The following MDH1 variants were observed in gnomAD, a reference collection of about 807,000 sequenced individuals.
MDH1 encodes malate dehydrogenase, cytoplasmic.
Under a neutral mutation model 38.7 loss-of-function variants are expected in MDH1, and 15 were observed. That is an observed-to-expected ratio of 0.39 (90% CI 0.26 to 0.60). MDH1 has a LOEUF of 0.60. MDH1 is among the 20% of genes least tolerant of loss of function. MDH1 has a pLI of 0.56. For synonymous variants in MDH1, 144 were observed against 143.6 expected (o/e 1.00, Z -0.02); for missense variants, 368 against 405.2 (o/e 0.91, Z 0.79).
chr2:63,598,501 A>G (rs996970358), intron 4 of MDH1, among the ~76,000 whole-genome samples: 4 of 152,214 alleles, frequency 2.6e-5, no homozygotes, highest in Admixed American at 6.5e-5. Context: ...CTTGCCGGTT[A>G]AAGGTTTAAC....
In MDH1 at chr2:63,594,087, T is replaced by C. The variant is rs571429819; in HGVS notation, c.4-401T>C. 1.1e-3 allele frequency among the ~76,000 whole-genome samples: 170 copies of C among 152,336 alleles called. No homozygotes were observed. The Middle Eastern group carries it at 0.017, about 15-fold the overall frequency. ...TGTAAATGGAAAGTTTTAGCCTCTTTCACTCTTCTTCTTGGTATGAAGATT... is the reference window on the plus strand; with the variant it reads ...TGTAAATGGAAAGTTTTAGCCTCTTCCACTCTTCTTCTTGGTATGAAGATT... On this transcript the variant is annotated intron_variant, in intron 1 of 8. Transcript: ENST00000233114.
intron 5 of MDH1, among the ~76,000 whole-genome samples, chr2:63,602,347 G>GTTTTTTTTTTTTT (rs144884000): frequency 6.7e-5 from 7 of 104,004 alleles, no homozygotes; most frequent in Admixed American, 1.1e-4. Context: ...GTTGGTTGGG[G>GTTTTTTTTTTTTT]TTTTTTTTTT....
At chr2:63,606,698 TTGAG>T (rs1395659155) in intron 8 of MDH1, among the ~76,000 whole-genome samples, 160 bp from the exon 9 acceptor site, 1 of 152,078 alleles carries the variant, frequency 6.6e-6, no homozygotes, top group African/African-American at 2.4e-5. Flanking sequence ...AATTCAAGTG[TTGAG>T]TTTTTATTAG....
At chr2:63,600,975 G>A (rs1032411244) in intron 5 of MDH1, among the ~76,000 whole-genome samples, 4 of 152,222 alleles carry the variant, frequency 2.6e-5, no homozygotes, top group Non-Finnish European at 5.9e-5. Flanking sequence ...GTGGAGACAG[G>A]CATTGGAAAA....
At chr2:63,593,703 T>A (rs1709245922) in intron 1 of MDH1, 1 of 471,210 alleles carries the variant, frequency 2.1e-6, no homozygotes, top group Non-Finnish European at 4.4e-6. Flanking sequence ...CTTAACTGAA[T>A]TTTTCTGTCT....
At chr2:63,595,667 G>A (rs1283357682) in intron 3 of MDH1, 148 bp downstream of exon 3, 1 of 618,544 alleles carries the variant, frequency 1.6e-6, no homozygotes, top group African/African-American at 1.8e-5. Context: ...AACTACTTAT[G>A]TATACCAAGG....
At chr2:63,605,803 G>T (rs948391256) in intron 7 of MDH1, 136 bp from the exon 8 acceptor site, 3 of 741,936 alleles carry the variant, frequency 4.0e-6, no homozygotes, top group Non-Finnish European at 7.2e-6. Flanking sequence ...CCAGTACCTG[G>T]TGCTGATGAT....
chr2:63,598,622 A>AT (rs1339004403), intron 4 of MDH1, among the ~76,000 whole-genome samples: 1 of 152,156 alleles, frequency 6.6e-6, no homozygotes, highest in Non-Finnish European at 1.5e-5. Flanking sequence ...AGATATCTGC[A>AT]TTTTTTGCTT....
chr2:63,590,054 C>T (rs1709147038), intron 1 of MDH1: 1 of 152,708 alleles, frequency 6.5e-6, no homozygotes, highest in Non-Finnish European at 1.5e-5. Flanking sequence ...GCCTGTCTAA[C>T]GGGGCCAGTG....
At chr2:63,599,327 C>G (rs760656645) in intron 5 of MDH1, 35 bp downstream of exon 5, 1 of 1,586,358 alleles carries the variant, frequency 6.3e-7, no homozygotes, top group East Asian at 2.3e-5. Context: ...TGTGGTTGTT[C>G]AACTTTAAAA....
At chr2:63,604,897 T>C (rs1392095812) in intron 6 of MDH1, 25 bp downstream of exon 6, 2 of 1,611,832 alleles carry the variant, frequency 1.2e-6, no homozygotes, top group Non-Finnish European at 8.5e-7. Context: ...TGAGCCTTCT[T>C]AACACTGAGC....
At chr2:63,592,513 C>A (rs1488492477) in intron 1 of MDH1, among the ~76,000 whole-genome samples, 1 of 152,108 alleles carries the variant, frequency 6.6e-6, no homozygotes, top group Non-Finnish European at 1.5e-5. Flanking sequence ...CCACACCCAG[C>A]TAAATTGTTT....
intron 1 of MDH1, chr2:63,589,402 A>G (rs574852721): frequency 3.2e-5 from 50 of 1,549,180 alleles, no homozygotes; most frequent in Non-Finnish European, 4.2e-5. Context: ...ATGGGAGGGA[A>G]AGGTTGGGTC....
Position 63,597,417 on chromosome 2 carries a change from A to G in MDH1, c.218A>G (p.Lys73Arg). ...TCCACAGATGTCATCGCAACAGATA[A>G]AGAAGACGTTGCCTTCAAAGACCTG... is the stretch of plus-strand genomic sequence containing the variant. ...PLLKDVIATD[K>R]EDVAFKDLDV... is the part of the protein sequence containing the mutation. The change falls in exon 4 of 9, where the codon AAA (lysine) becomes AGA (arginine). Residue 73 changes from lysine (K) to arginine (R), a missense_variant. Physicochemically the swap from Lys to Arg is conservative, Grantham distance 26. Coordinates refer to ENST00000233114, the MANE Select transcript of MDH1 (RefSeq NM_005917.4). The G allele has an allele frequency of 6.9e-7, 1 of 1,442,768 alleles. No homozygotes were observed. Among genetic ancestry groups the G allele is most frequent in the East Asian group, 2.6e-5 (1 of 38,622 alleles). 89.4% of individuals were successfully genotyped at this position (1,442,768 alleles called of 1,614,324 possible).
chr2:63,605,366 C>T lies in MDH1; in HGVS notation c.762C>T (p.Val254=). 1 of 1,614,100 alleles carries T rather than the reference C, an allele frequency of 6.2e-7. No homozygotes were observed. Among genetic ancestry groups the T allele is most frequent in the Non-Finnish European group, 8.5e-7 (1 of 1,179,932 alleles). The change falls in exon 7 of 9, where the codon GTC becomes GTT. Residue 254 remains valine (V), a synonymous_variant. Transcript: ENST00000233114. ...MSAAKAICDH[V]RDIWFGTPEG... ...CTGCAAAAGCCATCTGTGACCACGT[C>T]AGGGACATCTGGTTTGGAACCCCAG...
Position 63,588,976 on chromosome 2 carries a change from G to A in MDH1, c.-68G>A. The A allele has an allele frequency of 1.2e-6, 2 of 1,610,914 alleles. No individual in the cohort carries two copies. The highest frequency in any genetic ancestry group is 1.3e-5 in the African/African-American group (1 of 75,002). On this transcript the variant is annotated 5_prime_UTR_variant, in exon 1 of 9. Transcript: ENST00000233114. The stretch of plus-strand genomic sequence containing the variant: ...CTCGCCCTCTCCGAGTCAGTTCCGC[G>A]GTAGAGGTGACCTGACTCTCTGAGG...
At position 63,595,467 on chromosome 2, in the gene MDH1, C is replaced by G. The variant is rs1249610184; in HGVS notation, c.147C>G (p.Val49=). The part of the protein sequence containing the change: ...VLLDITPMMG[V]LDGVLMELQD... ...TGGATATCACCCCCATGATGGGTGTCCTGGACGGTGTCCTAATGGAACTGC... is the reference window on the plus strand; with the variant it reads ...TGGATATCACCCCCATGATGGGTGTGCTGGACGGTGTCCTAATGGAACTGC... The change falls in exon 3 of 9, where the codon GTC becomes GTG. Residue 49 remains valine, a synonymous_variant. Transcript: ENST00000233114. 6 of 1,613,566 alleles carry G rather than the reference C, an allele frequency of 3.7e-6. No individual in the cohort carries two copies. In the South Asian group the frequency reaches 4.4e-5, roughly 12 times the overall value.
chr2:63,592,404 G>A (rs1362813510), intron 1 of MDH1, among the ~76,000 whole-genome samples: 1 of 152,210 alleles, frequency 6.6e-6, no homozygotes, highest in Admixed American at 6.5e-5. Context: ...AGGCTGAAGT[G>A]CACTCACACA....
chr2:63,605,960 G>A lies in MDH1; in HGVS notation c.811G>A (p.Val271Ile). The A allele has an allele frequency of 6.2e-7, 1 of 1,614,078 alleles. No homozygotes were observed. Among genetic ancestry groups the A allele is most frequent in the South Asian group, 1.1e-5 (1 of 91,088 alleles). The stretch of plus-strand genomic sequence containing the variant: ...TCAGGGAGAGTTTGTGTCCATGGGT[G>A]TTATCTCTGATGGCAACTCCTATGG... ...TPEGEFVSMG[V>I]ISDGNSYGVP... The change falls in exon 8 of 9, where the codon GTT (valine) becomes ATT (isoleucine). Residue 271 changes from valine (V) to isoleucine (I), a missense_variant. Transcript: ENST00000233114.
Sources: allele counts gnomAD v4.1 joint callset (sites outside exome capture counted in the v4.1 genomes callset), GRCh38; gene constraint gnomAD v4.1.1; transcripts MANE v1.5; gene names NCBI Gene and HGNC (gene_info 2026-07-23, HGNC 2026-07-21).